The following AGBL4 variants were observed in gnomAD, a reference collection of about 807,000 sequenced individuals.
The protein encoded by AGBL4 is AGBL carboxypeptidase 4, also known as cytosolic carboxypeptidase 6.
AGBL4 carries 58 observed loss-of-function variants against 66.4 expected under a neutral mutation model. The observed-to-expected ratio is 0.87, with a 90% CI of 0.71 to 1.09. The LOEUF is 1.09. AGBL4 is among the 50% of genes least tolerant of loss of function. AGBL4 has a pLI of 0.00. For synonymous variants in AGBL4, 234 were observed against 222.9 expected (o/e 1.05, Z -0.44); for missense variants, 579 against 631.0 (o/e 0.92, Z 0.88).
chr1:49,861,648 G>A (rs2148086148), intron 1 of AGBL4, among the ~76,000 whole-genome samples: 1 of 152,222 alleles, frequency 6.6e-6, no homozygotes, highest in African/African-American at 2.4e-5. Flanking sequence ...TTGGATTTGA[G>A]CTACCTCAAC....
chr1:49,357,763 C>A (rs1269924787), intron 3 of AGBL4, among the ~76,000 whole-genome samples: 1 of 152,134 alleles, frequency 6.6e-6, no homozygotes, highest in Non-Finnish European at 1.5e-5. Flanking sequence ...TTAGAGTATT[C>A]GTGAAAAATA....
At chr1:49,407,282 A>G (rs1377421576) in intron 3 of AGBL4, among the ~76,000 whole-genome samples, 1 of 152,144 alleles carries the variant, frequency 6.6e-6, no homozygotes, top group African/African-American at 2.4e-5. Flanking sequence ...AAGCAAAAAC[A>G]AAAACATCAA....
intron 3 of AGBL4, among the ~76,000 whole-genome samples, chr1:49,346,634 C>G (rs1366484619): frequency 6.6e-6 from 1 of 152,110 alleles, no homozygotes; most frequent in Non-Finnish European, 1.5e-5. Flanking sequence ...ATGAATGGTC[C>G]TCACCATACT....
chr1:49,864,464 C>T (rs1010637190), intron 1 of AGBL4, among the ~76,000 whole-genome samples: 3 of 152,120 alleles, frequency 2.0e-5, no homozygotes, highest in Admixed American at 6.5e-5. Flanking sequence ...AATCCTGCAT[C>T]GGCAACTGAG....
chr1:48,871,612 A>G (rs1648685589), intron 5 of AGBL4, among the ~76,000 whole-genome samples: 1 of 152,050 alleles, frequency 6.6e-6, no homozygotes, highest in African/African-American at 2.4e-5. Context: ...ATGGTGCCCC[A>G]TGGACATTCA....
At chr1:49,074,126 G>A (rs1002510929) in intron 4 of AGBL4, among the ~76,000 whole-genome samples, 5 of 152,150 alleles carry the variant, frequency 3.3e-5, no homozygotes, top group South Asian at 2.1e-4. Flanking sequence ...CAAGACTGCC[G>A]CGCTCACAGC....
chr1:48,976,685 G>C (rs1245023842), intron 5 of AGBL4, among the ~76,000 whole-genome samples: 1 of 152,012 alleles, frequency 6.6e-6, no homozygotes, highest in East Asian at 1.9e-4. Flanking sequence ...GCAGTTCCTA[G>C]AATATGTCAA....
At chr1:48,828,311 A>C (rs1455343708) in intron 6 of AGBL4, among the ~76,000 whole-genome samples, 1 of 152,168 alleles carries the variant, frequency 6.6e-6, no homozygotes, top group African/African-American at 2.4e-5. Context: ...TGTCTCTGGC[A>C]GCAGCTGAGT....
At chr1:49,145,534 T>C (rs1285399883) in intron 4 of AGBL4, among the ~76,000 whole-genome samples, 1 of 152,204 alleles carries the variant, frequency 6.6e-6, no homozygotes, top group African/African-American at 2.4e-5. Flanking sequence ...TAGGTAGTAT[T>C]TGTGTCCCTA....
intron 3 of AGBL4, among the ~76,000 whole-genome samples, chr1:49,572,166 T>C (rs574525021): frequency 6.6e-6 from 1 of 152,270 alleles, no homozygotes; most frequent in East Asian, 1.9e-4. Flanking sequence ...TTTTTGTATG[T>C]TTGGTAGCAT....
At chr1:49,601,013 G>A (rs1445863003) in intron 3 of AGBL4, among the ~76,000 whole-genome samples, 5 of 152,054 alleles carry the variant, frequency 3.3e-5, no homozygotes, top group Non-Finnish European at 7.4e-5. Flanking sequence ...TAGTCTGATG[G>A]GGTTCCTTTT....
chr1:49,267,231 C>A (rs990044277), intron 3 of AGBL4, among the ~76,000 whole-genome samples: 1 of 152,130 alleles, frequency 6.6e-6, no homozygotes, highest in East Asian at 1.9e-4. Context: ...GAAATTAGTA[C>A]CATAGTACAT....
At chr1:49,296,844 T>C (rs1644652938) in intron 3 of AGBL4, among the ~76,000 whole-genome samples, 1 of 152,238 alleles carries the variant, frequency 6.6e-6, no homozygotes, top group Non-Finnish European at 1.5e-5. Flanking sequence ...CCTCAGTCAA[T>C]GTCATAAATG....
intron 3 of AGBL4, among the ~76,000 whole-genome samples, chr1:49,249,669 C>G (rs1651899545): frequency 6.6e-6 from 1 of 152,084 alleles, no homozygotes. Context: ...ACAAGTTCCT[C>G]AAAATACTAA....
chr1:49,722,780 A>AT (rs1401559610), intron 2 of AGBL4, among the ~76,000 whole-genome samples: 3 of 152,088 alleles, frequency 2.0e-5, no homozygotes, highest in African/African-American at 7.2e-5. Flanking sequence ...CTCTGAAAAG[A>AT]TTTTTACATT....
chr1:48,853,754 G>A (rs527596823), intron 6 of AGBL4, among the ~76,000 whole-genome samples: 2 of 152,160 alleles, frequency 1.3e-5, no homozygotes, highest in Non-Finnish European at 2.9e-5. Flanking sequence ...CCTCATGGCT[G>A]GGCTAGGTTG....
At chr1:49,603,480 G>A (rs914620834) in intron 3 of AGBL4, among the ~76,000 whole-genome samples, 30 of 151,458 alleles carry the variant, frequency 2.0e-4, no homozygotes, top group Admixed American at 8.6e-4. Context: ...AGCAGAGATC[G>A]CACCACTGCA....
chr1:49,692,161 T>A (rs1289689675), intron 3 of AGBL4, among the ~76,000 whole-genome samples: 1 of 152,170 alleles, frequency 6.6e-6, no homozygotes, highest in Non-Finnish European at 1.5e-5. Context: ...CTTAACATTG[T>A]CTTGTTTAAT....
chr1:48,785,532 G>A (rs540298735), intron 6 of AGBL4, among the ~76,000 whole-genome samples: 1 of 152,222 alleles, frequency 6.6e-6, no homozygotes, highest in Admixed American at 6.5e-5. Flanking sequence ...TTTTCCCTTA[G>A]CAACCACTGG....
Sources: gnomAD v4.1 joint callset for allele counts (sites outside exome capture counted in the v4.1 genomes callset) on GRCh38, gnomAD v4.1.1 for gene constraint, MANE v1.5 for transcripts, NCBI Gene and HGNC (gene_info 2026-07-23, HGNC 2026-07-21) for gene names.